EMX1: variants seen among roughly 807,000 people sequenced by gnomAD.
EMX1 encodes empty spiracles homeobox 1.
Under a neutral mutation model 20.1 loss-of-function variants are expected in EMX1, and 10 were observed. The observed-to-expected ratio is 0.50, with a 90% CI of 0.31 to 0.84. The LOEUF (loss-of-function observed/expected upper bound fraction) is 0.84, where lower values mean the gene tolerates loss of function less well. Ranked by LOEUF, EMX1 falls within the 40% of genes least tolerant of loss-of-function variation. The probability of loss-of-function intolerance (pLI) is 0.05; values close to 1 mark genes in which losing one functional copy is unlikely to be tolerated. For missense variants in EMX1, 424 were observed against 431.9 expected (o/e 0.98, Z 0.16); for synonymous variants, 250 against 200.4 (o/e 1.25, Z -2.09).
Position 72,917,775 on chromosome 2 carries a change from C to T in EMX1, c.-78C>T, listed in dbSNP as rs1670994380. The T allele has an allele frequency of 1.6e-6, 2 of 1,227,432 alleles. No individual in the cohort carries two copies. 76.0% of individuals were successfully genotyped at this position (1,227,432 alleles called of 1,614,324 possible). Reference sequence around the variant, plus strand: ...GGTCGCTCGCTCACACACCCCTCGCCGCTCCGCGCCTGGCTCGCCCGCGGG... The same window carrying T: ...GGTCGCTCGCTCACACACCCCTCGCTGCTCCGCGCCTGGCTCGCCCGCGGG... On this transcript the variant is annotated 5_prime_UTR_variant, in exon 1 of 3. Transcript: ENST00000258106.
intron 2 of EMX1, among the ~76,000 whole-genome samples, chr2:72,927,206 T>C (rs2105268444): frequency 6.6e-6 from 1 of 152,354 alleles, no homozygotes; most frequent in African/African-American, 2.4e-5. Context: ...ATCTTTGTCA[T>C]CTATTTTACC....
chr2:72,924,118 A>C lies in EMX1; in HGVS notation c.521-191A>C, dbSNP rs773141597. The C allele has an allele frequency of 8.3e-5, 56 of 673,312 alleles. No homozygotes were observed. The Middle Eastern group carries it at 1.7e-3, about 20-fold the overall frequency. 41.7% of individuals were successfully genotyped at this position (673,312 alleles called of 1,614,324 possible). A position where few individuals can be genotyped will look rare whatever the true frequency, so the allele number is the denominator to read the frequency against. On this transcript the variant is annotated intron_variant, in intron 1 of 2. Coordinates refer to ENST00000258106, the MANE Select transcript of EMX1 (RefSeq NM_004097.3). ...TCTCGAGTGCGGGGAGGTGTTGCGG[A>C]GGGGAGTGGACTTAGGGAAGGGGCG...
upstream of EMX1, chr2:72,916,409 G>A (rs1262041150): frequency 4.0e-6 from 2 of 503,546 alleles, no homozygotes; most frequent in Non-Finnish European, 3.5e-6. Context: ...GCAGTGCGCC[G>A]GCAAGGTCCA....
rs1224512142 is a variant in EMX1, at chr2:72,917,887, C to T, written c.35C>T (p.Ala12Val). 6.8e-7 allele frequency: 1 copy of T among 1,479,022 alleles called. No individual in the cohort carries two copies. The highest frequency in any genetic ancestry group is 1.3e-5 in the South Asian group (1 of 78,750). 91.6% of individuals were successfully genotyped at this position (1,479,022 alleles called of 1,614,324 possible). ...CLAGCTPRKAAAPGRGALPRA... is the reference protein window; with the variant it reads ...CLAGCTPRKAVAPGRGALPRA... ...GCTGGGTGCACACCCCGCAAGGCGG[C>T]GGCGCCAGGACGCGGAGCGCTCCCC... is the stretch of plus-strand genomic sequence containing the variant. The change falls in exon 1 of 3, where the codon GCG becomes GTG. Residue 12 changes from alanine to valine, a missense_variant. By Grantham distance (64) the Ala-to-Val change is moderately conservative. Around this residue, in one of 2 missense-constraint regions of EMX1, gnomAD observed 333 missense variants for 296.6 expected, o/e 1.12. Transcript: ENST00000258106.
chr2:72,931,930 T>C (rs1447259917), intron 2 of EMX1, among the ~76,000 whole-genome samples: 5 of 151,998 alleles, frequency 3.3e-5, no homozygotes, highest in Non-Finnish European at 7.4e-5. Context: ...AGTCCTGGGG[T>C]AGGTGGGACA....
chr2:72,931,548 G>A (rs1019978702), intron 2 of EMX1, among the ~76,000 whole-genome samples: 4 of 152,214 alleles, frequency 2.6e-5, no homozygotes, highest in African/African-American at 9.6e-5. Flanking sequence ...CAGGGTGGGG[G>A]GCAGGGGCCA....
Position 72,924,534 on chromosome 2 carries a change from C to T in EMX1, c.705+41C>T, listed in dbSNP as rs773953752. On this transcript the variant is annotated intron_variant, in intron 2 of 2. Coordinates refer to ENST00000258106, the MANE Select transcript of EMX1 (RefSeq NM_004097.3). The stretch of plus-strand genomic sequence containing the variant: ...CGCGGCCTGCCCTGCGCCCGGAGCC[C>T]GGGTGGAGGTGAGGGTGCGCGGGTG... The T allele has an allele frequency of 7.9e-6, 12 of 1,511,038 alleles. No individual in the cohort carries two copies. In the Admixed American group the frequency reaches 1.8e-4, roughly 22 times the overall value. 93.6% of individuals were successfully genotyped at this position (1,511,038 alleles called of 1,614,324 possible).
chr2:72,924,765 A>G (rs977758626), intron 2 of EMX1, among the ~76,000 whole-genome samples: 22 of 152,174 alleles, frequency 1.4e-4, no homozygotes, highest in African/African-American at 4.8e-4. Flanking sequence ...CCGGCTCCCA[A>G]AGCTCCTCAC....
At chr2:72,918,760 C>G (rs1018569824) in intron 1 of EMX1, among the ~76,000 whole-genome samples, 7 of 152,250 alleles carry the variant, frequency 4.6e-5, no homozygotes, top group African/African-American at 1.7e-4. Flanking sequence ...CACCACGCTT[C>G]TCTCGCAAGT....
chr2:72,924,739 A>C (rs1045468588), intron 2 of EMX1, among the ~76,000 whole-genome samples: 2 of 152,210 alleles, frequency 1.3e-5, no homozygotes, highest in Non-Finnish European at 2.9e-5. Context: ...GAGTAAATGC[A>C]AACTGTATCC....
In EMX1 at chr2:72,934,099, G is replaced by A. The variant is rs1671327753; in HGVS notation, c.*145G>A. 8.5e-7 allele frequency: 1 copy of A among 1,179,644 alleles called. No homozygotes were observed. Among genetic ancestry groups the A allele is most frequent in the Admixed American group, 2.8e-5 (1 of 35,180 alleles). The allele number at this position is 1,179,644 out of a possible 1,614,324, so 73.1% of individuals were successfully genotyped here. On this transcript the variant is annotated 3_prime_UTR_variant, in exon 3 of 3. Coordinates refer to ENST00000258106, the MANE Select transcript of EMX1 (RefSeq NM_004097.3). ...GGCCCCACAGGGCTTGAAGCCCGGG[G>A]CCGCCATTGACAGAGGGACAAGCAA...
At chr2:72,916,375 G>A (rs1440313853), upstream of EMX1, 5 of 417,024 alleles carry the variant, frequency 1.2e-5, no homozygotes, top group Non-Finnish European at 2.2e-5. Context: ...GCGAGGAAGC[G>A]GAACTCTCTG....
intron 1 of EMX1, among the ~76,000 whole-genome samples, chr2:72,920,979 G>A (rs753661935): frequency 2.0e-5 from 3 of 152,186 alleles, no homozygotes; most frequent in Non-Finnish European, 2.9e-5. Flanking sequence ...AGGAGGACGG[G>A]GAATGAGGTT....
intron 2 of EMX1, chr2:72,925,324 A>G (rs1671178926): frequency 1.1e-5 from 12 of 1,103,266 alleles, no homozygotes; most frequent in Non-Finnish European, 1.4e-5. Context: ...TTTAAGGGAA[A>G]AAATTAAAGA....
In EMX1 at chr2:72,918,152, TGCCGCGGCC is replaced by T; in HGVS notation, c.308_316del (p.Ala103_Ala105del). On this transcript the variant is annotated inframe_deletion, in exon 1 of 3. Transcript: ENST00000258106. ...AGGCGGCCTTCGTGAGTGGCTTCCC[TGCCGCGGCC>T]GCCGCGGGCGCGGGCCGCTCGCTCT... The T allele has an allele frequency of 1.3e-6, 2 of 1,500,040 alleles. No individual in the cohort carries two copies. The highest frequency in any genetic ancestry group is 1.3e-5 in the South Asian group (1 of 78,974). The allele number at this position is 1,500,040 out of a possible 1,614,324, so 92.9% of individuals were successfully genotyped here.
At chr2:72,925,517 G>C in intron 2 of EMX1, 1 of 1,288,700 alleles carries the variant, frequency 7.8e-7, no homozygotes, top group Non-Finnish European at 1.0e-6. Flanking sequence ...TCTGCGTGCC[G>C]GCCGGCTCCC....
intron 2 of EMX1, 137 bp from the exon 3 acceptor site, chr2:72,933,650 C>G: frequency 1.8e-6 from 2 of 1,124,514 alleles, no homozygotes; most frequent in South Asian, 3.3e-5. Context: ...CAGAGGGGAC[C>G]CCGGCCTGGG....
intron 2 of EMX1, chr2:72,925,785 C>A (rs1044233160): frequency 2.0e-6 from 2 of 985,322 alleles, no homozygotes; most frequent in African/African-American, 3.5e-5. Flanking sequence ...TCTCCTCCTT[C>A]AGTGGCATTT....
chr2:72,923,794 C>T lies in EMX1; in HGVS notation c.521-515C>T, dbSNP rs565283625. The T allele has an allele frequency of 1.1e-3, 238 of 207,212 alleles. 1 individual carries two copies. The highest frequency in any genetic ancestry group is 4.9e-3 in the African/African-American group (210 of 42,822). 12.8% of individuals were successfully genotyped at this position (207,212 alleles called of 1,614,324 possible). On this transcript the variant is annotated intron_variant, in intron 1 of 2. Coordinates refer to ENST00000258106, the MANE Select transcript of EMX1 (RefSeq NM_004097.3). ...TTTGGCAAAGGTGTGCCTAGCACCCCGCTGCTCCCCTTATCACGTTCCTGA... is the reference window on the plus strand; with the variant it reads ...TTTGGCAAAGGTGTGCCTAGCACCCTGCTGCTCCCCTTATCACGTTCCTGA...
Sources: gnomAD v4.1 joint callset for allele counts (sites outside exome capture counted in the v4.1 genomes callset) on GRCh38, gnomAD v4.1.1 for gene constraint, gnomAD v4.1.1 regional missense constraint, MANE v1.5 for transcripts, NCBI Gene and HGNC (gene_info 2026-07-23, HGNC 2026-07-21) for gene names.